ADGRG5: variants seen among roughly 807,000 people sequenced by gnomAD.
ADGRG5 encodes adhesion G protein-coupled receptor G5.
Under a neutral mutation model 53.2 loss-of-function variants are expected in ADGRG5, and 37 were observed. That is an observed-to-expected ratio of 0.70 (90% CI 0.53 to 0.91). The LOEUF is 0.91. ADGRG5 is among the 40% of genes least tolerant of loss of function. ADGRG5 has a pLI of 0.00. For missense variants in ADGRG5, 614 were observed against 675.8 expected (o/e 0.91, Z 1.01); for synonymous variants, 277 against 290.4 (o/e 0.95, Z 0.47).
intron 2 of ADGRG5, 85 bp from the exon 3 acceptor site, chr16:57,562,299 C>T (rs1009444341): frequency 9.1e-6 from 13 of 1,423,034 alleles, no homozygotes; most frequent in Middle Eastern, 1.8e-4. Flanking sequence ...GTGAACTAGA[C>T]TCTCAGGGTG....
chr16:57,540,040 C>G (rs1264330228), upstream of ADGRG5, among the ~76,000 whole-genome samples: 1 of 151,976 alleles, frequency 6.6e-6, no homozygotes, highest in Admixed American at 6.6e-5. Context: ...GTCAAGAGAT[C>G]GAGACCATCC....
chr16:57,554,618 C>T (rs542228476), intron 1 of ADGRG5, among the ~76,000 whole-genome samples: 5 of 152,116 alleles, frequency 3.3e-5, no homozygotes, highest in Non-Finnish European at 2.9e-5. Flanking sequence ...CTTTGTGATC[C>T]GCCCACCTTG....
chr16:57,561,178 C>T (rs1166846049), intron 1 of ADGRG5, among the ~76,000 whole-genome samples: 1 of 152,230 alleles, frequency 6.6e-6, no homozygotes, highest in Non-Finnish European at 1.5e-5. Context: ...TTCTCCTTGT[C>T]TCCTGCCAAC....
At chr16:57,563,711 A>T in intron 4 of ADGRG5, 137 bp from the exon 5 acceptor site, 1 of 1,077,156 alleles carries the variant, frequency 9.3e-7, no homozygotes, top group Non-Finnish European at 1.4e-6. Flanking sequence ...GTTTGGGAGG[A>T]GATGCAGCCT....
At chr16:57,561,375 TAGGGTACAGGGTTTCC>T (rs2032996399) in intron 1 of ADGRG5, among the ~76,000 whole-genome samples, 1 of 152,220 alleles carries the variant, frequency 6.6e-6, no homozygotes, top group African/African-American at 2.4e-5. Context: ...TCTCCCATGG[TAGGGTACAGGGTTTCC>T]TGTACCCTGT....
intron 1 of ADGRG5, among the ~76,000 whole-genome samples, chr16:57,553,287 G>A (rs563818756): frequency 3.9e-5 from 6 of 152,124 alleles, no homozygotes; most frequent in Non-Finnish European, 8.8e-5. Flanking sequence ...ATAAAGCCAG[G>A]TATACCTGTA....
chr16:57,562,178 T>A, intron 2 of ADGRG5, 21 bp downstream of exon 2: 1 of 1,586,358 alleles, frequency 6.3e-7, no homozygotes, highest in Non-Finnish European at 8.6e-7. Context: ...TCTGCTGAAC[T>A]GGGGGCAGCC....
At chr16:57,554,467 C>T (rs534492889) in intron 1 of ADGRG5, among the ~76,000 whole-genome samples, 77 of 152,008 alleles carry the variant, frequency 5.1e-4, no homozygotes, top group Middle Eastern at 3.4e-3. Context: ...AGCTCTGCCT[C>T]CCAGGTTCAC....
chr16:57,550,454 G>A (rs1666189748), intron 1 of ADGRG5, among the ~76,000 whole-genome samples: 2 of 152,066 alleles, frequency 1.3e-5, no homozygotes, highest in Non-Finnish European at 1.5e-5. Context: ...TTATCTTCTC[G>A]TTTTGCTAAC....
At chr16:57,540,046 C>T (rs779924618), upstream of ADGRG5, among the ~76,000 whole-genome samples, 7 of 152,058 alleles carry the variant, frequency 4.6e-5, no homozygotes, top group Non-Finnish European at 7.4e-5. Context: ...AGATCGAGAC[C>T]ATCCTGGCCA....
chr16:57,549,645 A>T (rs2032701408), intron 1 of ADGRG5, among the ~76,000 whole-genome samples: 1 of 152,236 alleles, frequency 6.6e-6, no homozygotes, highest in Non-Finnish European at 1.5e-5. Flanking sequence ...AGTCATGTAT[A>T]CATGTATATT....
At position 57,561,261 on chromosome 16, in the gene ADGRG5, C is replaced by T. The variant is rs187739241; in HGVS notation, c.-38-795C>T. The stretch of plus-strand genomic sequence containing the variant: ...CTGCTAAACGTCTTACCAGGTGCCA[C>T]CTACTTGTAGCCTCCAAAATTTAGC... On this transcript the variant is annotated intron_variant, in intron 1 of 11. Coordinates refer to ENST00000349457, the MANE Select transcript of ADGRG5 (RefSeq NM_001304376.3). Among the ~76,000 whole-genome samples, 194 of 152,348 alleles carry T rather than the reference C, an allele frequency of 1.3e-3. 1 individual carries two copies. The highest frequency in any genetic ancestry group is 1.4e-3 in the East Asian group (7 of 5,182).
intron 1 of ADGRG5, among the ~76,000 whole-genome samples, chr16:57,557,316 TAAG>T (rs2032906682): frequency 6.6e-6 from 1 of 152,244 alleles, no homozygotes; most frequent in African/African-American, 2.4e-5. Flanking sequence ...TAGTTTCTGA[TAAG>T]AAGTCTCTTG....
At chr16:57,563,356 C>T in intron 4 of ADGRG5, 109 bp downstream of exon 4, 2 of 949,406 alleles carry the variant, frequency 2.1e-6, no homozygotes, top group Non-Finnish European at 1.6e-6. Flanking sequence ...TCCCCACACC[C>T]CACAGTCCAG....
chr16:57,532,698 GACACACACACACACAC>G, the ADGRG5 span, among the ~76,000 whole-genome samples: 35 of 148,282 alleles, frequency 2.4e-4, no homozygotes, highest in African/African-American at 5.9e-4. Flanking sequence ...AAGTGAAGCA[GACACACACACACACAC>G]ACACACACAC....
At chr16:57,575,333 G>A (rs2033486117) in intron 11 of ADGRG5, 105 bp from the exon 12 acceptor site, 1 of 1,105,542 alleles carries the variant, frequency 9.0e-7, no homozygotes, top group South Asian at 1.4e-5. Flanking sequence ...GAGATTCTGG[G>A]AGTTGCCCAT....
Position 57,574,854 on chromosome 16 carries a change from C to T in ADGRG5, c.1248C>T (p.Val416=). ...VRSPVVHSVL[V]MGYGGLTSLF... is the part of the protein sequence containing the mutation. ...GCCCCGTGGTGCACAGTGTCCTGGT[C>T]ATGGGCTACGGCGGCCTCACGTCCC... Residue 416 remains valine, a synonymous_variant, in exon 11 of 12, where the codon GTC becomes GTT. Transcript: ENST00000349457. This position sits in a 1 kb window ranked among gnomAD's most constrained non-coding sequence, Gnocchi z 4.4. 6.2e-7 allele frequency: 1 copy of T among 1,608,966 alleles called. No individual in the cohort carries two copies. The highest frequency in any genetic ancestry group is 8.5e-7 in the Non-Finnish European group (1 of 1,177,770).
In ADGRG5 at chr16:57,566,654, G is replaced by C. The variant is rs201845314; in HGVS notation, c.602G>C (p.Trp201Ser). ...FWKEGARKQP[W>S]GGWSPEGCRT... The stretch of plus-strand genomic sequence containing the variant: ...AAGGAGGGAGCCAGGAAACAGCCCT[G>C]GGGGGGCTGGAGCCCTGAGGGCTGT... Residue 201 changes from tryptophan to serine, a missense_variant, in exon 7 of 12, where the codon TGG becomes TCG. Transcript: ENST00000349457. 29 of 1,588,130 alleles carry C rather than the reference G, an allele frequency of 1.8e-5. No homozygotes were observed. The highest frequency in any genetic ancestry group is 1.7e-4 in the Middle Eastern group (1 of 5,994).
chr16:57,550,892 G>A (rs1274438991), intron 1 of ADGRG5, among the ~76,000 whole-genome samples: 2 of 152,188 alleles, frequency 1.3e-5, no homozygotes, highest in Non-Finnish European at 2.9e-5. Context: ...GCCGAGCATG[G>A]TGGTGTGTGC....
Sources: allele counts gnomAD v4.1 joint callset (sites outside exome capture counted in the v4.1 genomes callset), GRCh38; gene constraint gnomAD v4.1.1; non-coding constraint Gnocchi (gnomAD v3.1); transcripts MANE v1.5; gene names NCBI Gene and HGNC (gene_info 2026-07-23, HGNC 2026-07-21).